Variants in LUC7L observed in about 807,000 individuals in gnomAD.
The protein encoded by LUC7L is LUC7 like, also known as putative RNA-binding protein Luc7-like 1.
In LUC7L, 29 loss-of-function variants were observed where a neutral mutation model predicts 51.1. The ratio of observed to expected loss-of-function variants is 0.57; its 90% CI spans 0.42 to 0.77. The LOEUF (loss-of-function observed/expected upper bound fraction) is 0.77, where lower values mean the gene tolerates loss of function less well. Among genes scored for constraint, LUC7L ranks in the 30% least tolerant of loss-of-function variants. The pLI is 0.00. For synonymous variants in LUC7L, 181 were observed against 180.7 expected (o/e 1.00, Z -0.01); for missense variants, 403 against 511.9 (o/e 0.79, Z 2.05).
intron 1 of LUC7L, chr16:227,968 G>A (rs2050172784): frequency 5.8e-6 from 6 of 1,035,176 alleles, no homozygotes; most frequent in South Asian, 3.3e-5. Context: ...CACACTGTGA[G>A]CTCCAACACA....
At chr16:190,297 G>A (rs1315009288) in intron 8 of LUC7L, among the ~76,000 whole-genome samples, 162 bp from the exon 9 acceptor site, 2 of 151,792 alleles carry the variant, frequency 1.3e-5, no homozygotes, top group African/African-American at 4.8e-5. Flanking sequence ...CAATGGCTAG[G>A]TCCTTCCAAT....
chr16:204,459 T>A (rs1317046063), intron 5 of LUC7L, among the ~76,000 whole-genome samples: 1 of 151,360 alleles, frequency 6.6e-6, no homozygotes, highest in Non-Finnish European at 1.5e-5. Context: ...CCGGGCGTGG[T>A]GGTGGGCGCC....
chr16:228,377 T>C, intron 1 of LUC7L: 1 of 1,304,010 alleles, frequency 7.7e-7, no homozygotes, highest in African/African-American at 1.5e-5. Context: ...TGCAGATTGA[T>C]GTAGGCAGGC....
chr16:213,694 C>A (rs1047372939), intron 3 of LUC7L, among the ~76,000 whole-genome samples: 1 of 150,968 alleles, frequency 6.6e-6, no homozygotes, highest in Non-Finnish European at 1.5e-5. Flanking sequence ...CGTGAGCCAC[C>A]GCACCCGGCA....
rs1169884871 is a variant in LUC7L at position 224,545 on chromosome 16, T to A, written c.156+2697A>T. On this transcript the variant is annotated intron_variant, in intron 2 of 9. Transcript: ENST00000293872. ...AAAATAAAAAAAAAAGAAAACCTCA[T>A]GAGGCCAGGCGCGGTGGCTCATGCC... Among the ~76,000 whole-genome samples the A allele has an allele frequency of 2.0e-5, 3 of 149,792 alleles. No individual in the cohort carries two copies. The East Asian group carries it at 6.0e-4, about 30-fold the overall frequency.
At chr16:229,000 C>T in intron 1 of LUC7L, 1 of 1,440,432 alleles carries the variant, frequency 6.9e-7, no homozygotes, top group East Asian at 2.8e-5. Context: ...AGCCGCGGCG[C>T]CCGCCGGGGA....
At chr16:228,827 T>C in intron 1 of LUC7L, 14 of 1,293,750 alleles carry the variant, frequency 1.1e-5, no homozygotes, top group Non-Finnish European at 1.3e-5. Flanking sequence ...CTTGCAATGG[T>C]ACAGAACCAG....
chr16:200,853 G>A (rs2049303422), intron 5 of LUC7L, among the ~76,000 whole-genome samples: 1 of 152,050 alleles, frequency 6.6e-6, no homozygotes, highest in African/African-American at 2.4e-5. Flanking sequence ...CTGTACTTCA[G>A]CCTGGGTGAC....
intron 5 of LUC7L, among the ~76,000 whole-genome samples, chr16:203,094 C>T (rs1158994393): frequency 6.6e-6 from 1 of 152,012 alleles, no homozygotes; most frequent in Non-Finnish European, 1.5e-5. Flanking sequence ...GAGGTTGCAG[C>T]GAGCCATCGC....
In LUC7L at chr16:229,265, C is replaced by T. The variant is rs11863920; in HGVS notation, c.61+14G>A. 1.6e-3 allele frequency: 2,475 copies of T among 1,533,528 alleles called. 25 individuals carry two copies. In the African/African-American group the frequency reaches 0.03, roughly 19 times the overall value. 95.0% of individuals were successfully genotyped at this position (1,533,528 alleles called of 1,614,324 possible). On this transcript the variant is annotated intron_variant, in intron 1 of 9. Coordinates refer to ENST00000293872, the MANE Select transcript of LUC7L (RefSeq NM_201412.3). ...CCACCCCAGACCCTCGCCTGGTTGG[C>T]CGCTCTGACTCACCGTCCCGAGCCG... is the stretch of plus-strand genomic sequence containing the variant.
chr16:226,039 C>A (rs910446867), intron 2 of LUC7L, among the ~76,000 whole-genome samples: 3 of 152,142 alleles, frequency 2.0e-5, no homozygotes, highest in Non-Finnish European at 4.4e-5. Context: ...GAGTTGAAAT[C>A]ATTAATCTGT....
chr16:220,466 G>T, intron 3 of LUC7L, 183 bp downstream of exon 3: 1 of 551,130 alleles, frequency 1.8e-6, no homozygotes, highest in Non-Finnish European at 3.2e-6. Flanking sequence ...TTAGGACACT[G>T]ACAGGACGCT....
intron 3 of LUC7L, among the ~76,000 whole-genome samples, chr16:211,136 G>T (rs2049628353): frequency 6.9e-6 from 1 of 144,574 alleles, no homozygotes; most frequent in Non-Finnish European, 1.5e-5. Flanking sequence ...TCTGAGACCA[G>T]CCTGGCCAGT....
chr16:192,196 G>T (rs1272427984), intron 7 of LUC7L, among the ~76,000 whole-genome samples: 1 of 152,046 alleles, frequency 6.6e-6, no homozygotes, highest in African/African-American at 2.4e-5. Context: ...TTCTATCCCA[G>T]AACTTTCCCC....
chr16:198,278 CAAAAAAAAAAAAAAAAAA>C (rs35125597), intron 6 of LUC7L, among the ~76,000 whole-genome samples: 1 of 49,254 alleles, frequency 2.0e-5, no homozygotes, highest in African/African-American at 8.7e-5. Context: ...GACTCCATCT[CAAAAAAAAAAAAAAAAAA>C]AAAAAAAAAA....
intron 6 of LUC7L, among the ~76,000 whole-genome samples, chr16:194,245 T>C (rs1047893540): frequency 1.3e-5 from 2 of 152,158 alleles, no homozygotes; most frequent in African/African-American, 4.8e-5. Context: ...GCTGGGACTA[T>C]AGGCGTGTGC....
chr16:229,317 C>A lies in LUC7L; in HGVS notation c.23G>T (p.Arg8Leu). 6.5e-7 allele frequency: 1 copy of A among 1,527,584 alleles called. No individual in the cohort carries two copies. The highest frequency in any genetic ancestry group is 2.6e-5 in the East Asian group (1 of 39,012). 94.6% of individuals were successfully genotyped at this position (1,527,584 alleles called of 1,614,324 possible). MSAQAQM[R>L]ALLDQLMGTA... ...GCCCATGAGCTGGTCCAGCAGGGCC[C>A]GCATCTGCGCCTGGGCGGACATGGT... The change falls in exon 1 of 10, where the codon CGG (arginine) becomes CTG (leucine). Residue 8 changes from arginine to leucine, a missense_variant. Transcript: ENST00000293872.
chr16:210,614 G>C (rs1450106312), intron 3 of LUC7L, among the ~76,000 whole-genome samples: 1 of 152,172 alleles, frequency 6.6e-6, no homozygotes, highest in Non-Finnish European at 1.5e-5. Context: ...TCACCAACCT[G>C]AGACAGATTC....
rs114559902 is a variant in LUC7L, at chr16:213,361, G to C, written c.256-5173C>G. Among the ~76,000 whole-genome samples, 960 of 152,110 alleles carry C rather than the reference G, an allele frequency of 6.3e-3. 12 individuals are homozygous for C. The highest frequency in any genetic ancestry group is 0.022 in the African/African-American group (920 of 41,516). Reference sequence around the variant, plus strand: ...CAGGAGTTCCATCCATCAAGCTTAAGGTGATGGTCCAGGCAGAAAATAAAG... The same window carrying C: ...CAGGAGTTCCATCCATCAAGCTTAACGTGATGGTCCAGGCAGAAAATAAAG... On this transcript the variant is annotated intron_variant, in intron 3 of 9. Coordinates refer to ENST00000293872, the MANE Select transcript of LUC7L (RefSeq NM_201412.3).
Sources: gnomAD v4.1 joint callset for allele counts (sites outside exome capture counted in the v4.1 genomes callset) on GRCh38, gnomAD v4.1.1 for gene constraint, MANE v1.5 for transcripts, NCBI Gene and HGNC (gene_info 2026-07-23, HGNC 2026-07-21) for gene names.